Variants in SPMIP5 observed in about 807,000 individuals in gnomAD.
SPMIP5 encodes the protein sperm microtubule inner protein 5, also known as sperm-associated microtubule inner protein 5.
chr10:116,668,387 T>G, the SPMIP5 span: 5 of 1,319,042 alleles, frequency 3.8e-6, no homozygotes, highest in African/African-American at 1.5e-5. Context: ...AAGGAATTAC[T>G]ATTGAGTGTG....
the SPMIP5 span, chr10:116,663,833 G>A: frequency 7.7e-6 from 11 of 1,435,318 alleles, no homozygotes; most frequent in Admixed American, 2.7e-5. Context: ...CTCACTGGGC[G>A]TGATTCCAAC....
the SPMIP5 span, chr10:116,664,890 T>C: frequency 5.6e-6 from 9 of 1,614,142 alleles, no homozygotes; most frequent in Non-Finnish European, 7.6e-6. Context: ...TCTCGGCAGG[T>C]AGCCTGCCCA....
At chr10:116,665,791 T>C in the SPMIP5 span, 1 of 1,613,818 alleles carries the variant, frequency 6.2e-7, no homozygotes, top group Non-Finnish European at 8.5e-7. Flanking sequence ...TCATCCTCCT[T>C]GGACATTCCT....
the SPMIP5 span, chr10:116,665,404 CAAAAA>C: frequency 8.7e-4 from 248 of 286,172 alleles, no homozygotes; most frequent in South Asian, 1.4e-3. Context: ...GACTCCGTCT[CAAAAA>C]AAAAAAAAAA....
At chr10:116,665,091 C>T in the SPMIP5 span, 1 of 1,421,288 alleles carries the variant, frequency 7.0e-7, no homozygotes, top group Non-Finnish European at 9.1e-7. Flanking sequence ...GACTGTGCCC[C>T]CTCCCCTAGA....
chr10:116,664,044 G>A, the SPMIP5 span: 1 of 1,590,676 alleles, frequency 6.3e-7, no homozygotes, highest in South Asian at 1.1e-5. Flanking sequence ...GGGCAGGGCA[G>A]CTTCCATCTA....
the SPMIP5 span, chr10:116,665,962 G>A: frequency 1.3e-6 from 1 of 746,548 alleles, no homozygotes; most frequent in East Asian, 2.7e-5. Context: ...TTTTTCCAAA[G>A]GCCATTAATA....
chr10:116,668,897 G>A, the SPMIP5 span, among the ~76,000 whole-genome samples: 3 of 143,744 alleles, frequency 2.1e-5, no homozygotes, highest in Admixed American at 7.0e-5. Context: ...ATCCTGCAAT[G>A]CTCAGAAGCC....
chr10:116,668,620 G>C, the SPMIP5 span, among the ~76,000 whole-genome samples: 2 of 151,942 alleles, frequency 1.3e-5, no homozygotes, highest in African/African-American at 2.4e-5. Context: ...CAACAATTGT[G>C]AACTGTACTC....
At chr10:116,665,760 G>T in the SPMIP5 span, 1 of 1,614,198 alleles carries the variant, frequency 6.2e-7, no homozygotes, top group Non-Finnish European at 8.5e-7. Context: ...CTCCTGGAAG[G>T]TTTTCACACA....
the SPMIP5 span, chr10:116,664,585 A>C: frequency 7.9e-7 from 1 of 1,264,676 alleles, no homozygotes; most frequent in East Asian, 2.6e-5. Flanking sequence ...GGTTGGGAGC[A>C]GAGGGCACCT....
At chr10:116,664,444 A>C in the SPMIP5 span, 6 of 779,688 alleles carry the variant, frequency 7.7e-6, no homozygotes, top group Non-Finnish European at 1.1e-5. Context: ...CAGAAGAGAA[A>C]GCTGAGGCCA....
chr10:116,669,593 A>C, the SPMIP5 span, among the ~76,000 whole-genome samples: 29 of 152,214 alleles, frequency 1.9e-4, no homozygotes, highest in Admixed American at 1.9e-3. Context: ...ATGTGGTTGC[A>C]GCAGAACCGC....
chr10:116,662,813 G>A, the SPMIP5 span, among the ~76,000 whole-genome samples: 2 of 152,150 alleles, frequency 1.3e-5, no homozygotes, highest in Non-Finnish European at 2.9e-5. Flanking sequence ...AGTCATTGCA[G>A]GTATAATGAG....
chr10:116,663,274 G>A, the SPMIP5 span, among the ~76,000 whole-genome samples: 968 of 152,082 alleles, frequency 6.4e-3, 8 homozygotes, highest in African/African-American at 0.022. Context: ...CAACGTGGCT[G>A]CAAAACACAG....
chr10:116,666,411 T>G, the SPMIP5 span, among the ~76,000 whole-genome samples: 1 of 152,034 alleles, frequency 6.6e-6, no homozygotes, highest in Non-Finnish European at 1.5e-5. Context: ...TTACTTAAAC[T>G]GGAGGCTGAA....
the SPMIP5 span, among the ~76,000 whole-genome samples, chr10:116,662,728 C>T: frequency 2.6e-5 from 4 of 152,036 alleles, no homozygotes; most frequent in South Asian, 8.3e-4. Flanking sequence ...TCCAGTGTTA[C>T]GGCTTGAACT....
the SPMIP5 span, chr10:116,664,385 T>A: frequency 1.1e-6 from 1 of 883,096 alleles, no homozygotes; most frequent in East Asian, 2.8e-5. Context: ...CATGGTATGT[T>A]ATTTCTTTAC....
At chr10:116,665,692 G>C in the SPMIP5 span, 1 of 1,614,158 alleles carries the variant, frequency 6.2e-7, no homozygotes, top group East Asian at 2.2e-5. Context: ...TTCAGTTTCG[G>C]GGCAGTGGCC....
Sources: allele counts gnomAD v4.1 joint callset (sites outside exome capture counted in the v4.1 genomes callset), GRCh38; gene constraint gnomAD v4.1.1; transcripts MANE v1.5; gene names NCBI Gene and HGNC (gene_info 2026-07-23, HGNC 2026-07-21).